ATF7IP2: variants seen among roughly 807,000 people sequenced by gnomAD.
The protein encoded by ATF7IP2 is activating transcription factor 7 interacting protein 2.
A neutral mutation model predicts 64.2 loss-of-function variants in ATF7IP2; 42 were observed. That is an observed-to-expected ratio of 0.65 (90% CI 0.51 to 0.85). The LOEUF (loss-of-function observed/expected upper bound fraction) is 0.85. Among genes scored for constraint, ATF7IP2 ranks in the 40% least tolerant of loss-of-function variants. ATF7IP2 has a pLI of 0.00. For synonymous variants in ATF7IP2, 308 were observed against 272.8 expected (o/e 1.13, Z -1.27); for missense variants, 933 against 784.2 (o/e 1.19, Z -2.27).
chr16:10,407,750 A>C (rs1241805063), intron 1 of ATF7IP2, among the ~76,000 whole-genome samples: 1 of 152,076 alleles, frequency 6.6e-6, no homozygotes. Context: ...CCCGAGCACT[A>C]TACACTGAAC....
chr16:10,410,249 C>T (rs756548620), intron 1 of ATF7IP2, among the ~76,000 whole-genome samples: 8 of 152,154 alleles, frequency 5.3e-5, no homozygotes, highest in Non-Finnish European at 1.0e-4. Context: ...TGATTTCTAT[C>T]AGCAGTGTTT....
At chr16:10,403,841 A>G (rs1044287199) in intron 1 of ATF7IP2, among the ~76,000 whole-genome samples, 1 of 152,244 alleles carries the variant, frequency 6.6e-6, no homozygotes, top group African/African-American at 2.4e-5. Context: ...AGCCTCAAGT[A>G]TAGATCAGCC....
chr16:10,483,634 C>G lies in ATF7IP2; in HGVS notation c.*1385C>G, dbSNP rs1382545705. 1 of 152,150 alleles carries G rather than the reference C, an allele frequency of 6.6e-6. No homozygotes were observed. Among genetic ancestry groups the G allele is most frequent in the Admixed American group, 6.5e-5 (1 of 15,276 alleles). 9.4% of individuals were successfully genotyped at this position (152,150 alleles called of 1,614,324 possible). A position where few individuals can be genotyped will look rare whatever the true frequency, so the allele number is the denominator to read the frequency against. On this transcript the variant is annotated 3_prime_UTR_variant, in exon 14 of 14. Transcript: ENST00000562102. ...TCTGTAGCAATAAAGCTGTTATTTT[C>G]TGCAGTGTTCTATGTCTTTATTTTT...
intron 1 of ATF7IP2, among the ~76,000 whole-genome samples, chr16:10,398,768 G>C (rs1165627821): frequency 1.3e-5 from 2 of 152,028 alleles, no homozygotes; most frequent in African/African-American, 4.8e-5. Context: ...CTGGGGGGTG[G>C]GGTTGAATAG....
intron 3 of ATF7IP2, among the ~76,000 whole-genome samples, chr16:10,422,872 C>T (rs1283244738): frequency 2.0e-5 from 3 of 152,310 alleles, no homozygotes; most frequent in East Asian, 3.9e-4. Context: ...TTCCAGGGAA[C>T]AGAAGTAGAT....
chr16:10,390,029 ATTAG>A (rs2047290902), intron 1 of ATF7IP2, among the ~76,000 whole-genome samples: 1 of 152,362 alleles, frequency 6.6e-6, no homozygotes, highest in Admixed American at 6.5e-5. Flanking sequence ...TTTGAACAAG[ATTAG>A]TTAAATGGGT....
intron 1 of ATF7IP2, among the ~76,000 whole-genome samples, chr16:10,394,081 C>T (rs1344163390): frequency 6.6e-6 from 1 of 152,062 alleles, no homozygotes; most frequent in Non-Finnish European, 1.5e-5. Flanking sequence ...TTAAACAATC[C>T]CATGAAATGG....
intron 9 of ATF7IP2, among the ~76,000 whole-genome samples, chr16:10,470,026 TGGA>T (rs978022835): frequency 1.3e-5 from 2 of 152,108 alleles, no homozygotes; most frequent in Admixed American, 1.3e-4. Flanking sequence ...CAAGAAATTT[TGGA>T]GGAGATTTTT....
Position 10,427,265 on chromosome 16 carries a change from C to G in ATF7IP2, c.-159-1603C>G, listed in dbSNP as rs151213325. 3.3e-5 allele frequency among the ~76,000 whole-genome samples: 5 copies of G among 152,216 alleles called. No individual in the cohort carries two copies. The East Asian group carries it at 7.7e-4, about 24-fold the overall frequency. ...AATTTTTACAGACAAGTAAACATAGCTAATAAACATAGGAAAAGATGATAG... is the reference window on the plus strand; with the variant it reads ...AATTTTTACAGACAAGTAAACATAGGTAATAAACATAGGAAAAGATGATAG... On this transcript the variant is annotated intron_variant, in intron 3 of 13. Coordinates refer to ENST00000562102, the MANE Select transcript of ATF7IP2 (RefSeq NM_001393719.1).
At chr16:10,465,433 C>T (rs918529083) in intron 9 of ATF7IP2, among the ~76,000 whole-genome samples, 3 of 151,702 alleles carry the variant, frequency 2.0e-5, no homozygotes, top group Non-Finnish European at 2.9e-5. Context: ...CCTCAGTTTC[C>T]CTCCCAGATG....
intron 1 of ATF7IP2, chr16:10,386,414 C>G (rs972712939): frequency 4.6e-5 from 7 of 152,438 alleles, no homozygotes; most frequent in African/African-American, 1.7e-4. Flanking sequence ...GGGTTAGGGA[C>G]TGCGGAGGGA....
chr16:10,406,175 G>A (rs552193837), intron 1 of ATF7IP2, among the ~76,000 whole-genome samples: 5 of 151,842 alleles, frequency 3.3e-5, no homozygotes, highest in East Asian at 1.9e-4. Context: ...GTGCAATCAC[G>A]GCTCACCACA....
At chr16:10,407,849 C>T (rs1192733369) in intron 1 of ATF7IP2, among the ~76,000 whole-genome samples, 1 of 151,920 alleles carries the variant, frequency 6.6e-6, no homozygotes, top group African/African-American at 2.4e-5. Context: ...ATTCTCATAG[C>T]TTAGCTCCTA....
intron 1 of ATF7IP2, among the ~76,000 whole-genome samples, chr16:10,388,559 C>G (rs1029167503): frequency 1.1e-4 from 17 of 152,154 alleles, no homozygotes; most frequent in African/African-American, 3.6e-4. Context: ...CTTTTTAGTA[C>G]TCTTTACTAA....
intron 8 of ATF7IP2, chr16:10,446,760 C>A (rs947610574): frequency 1.3e-5 from 2 of 152,166 alleles, no homozygotes; most frequent in African/African-American, 4.8e-5. Context: ...CTAGTGTTAT[C>A]CTTTTTATGC....
chr16:10,472,318 A>G (rs1171794519), intron 10 of ATF7IP2, 135 bp downstream of exon 10: 1 of 462,910 alleles, frequency 2.2e-6, no homozygotes, highest in Non-Finnish European at 3.8e-6. Context: ...GTTCTAATTT[A>G]TATCATGGTT....
rs779451060 is a variant in ATF7IP2, at chr16:10,457,396, T to G, written c.1219T>G (p.Leu407Val). 6.2e-7 allele frequency: 1 copy of G among 1,607,730 alleles called. No individual in the cohort carries two copies. Among genetic ancestry groups the G allele is most frequent in the Non-Finnish European group, 8.5e-7 (1 of 1,178,150 alleles). The stretch of plus-strand genomic sequence containing the variant: ...GGTTGCAAATTCAGAGGCTATGATT[T>G]TGGATAAGAATCTTGAGTCAGTTAA... ...SKVANSEAMILDKNLESVNSP... is the reference protein window; with the variant it reads ...SKVANSEAMIVDKNLESVNSP... Residue 407 changes from leucine (L) to valine (V), a missense_variant, in exon 9 of 14, where the codon TTG becomes GTG. Transcript: ENST00000562102.
intron 1 of ATF7IP2, among the ~76,000 whole-genome samples, chr16:10,392,027 G>A (rs1316655598): frequency 2.0e-5 from 3 of 149,254 alleles, no homozygotes; most frequent in Non-Finnish European, 4.5e-5. Flanking sequence ...GACACCAAAA[G>A]ATATAAAAAG....
At position 10,457,367 on chromosome 16, in the gene ATF7IP2, A is replaced by G; in HGVS notation, c.1195-5A>G. On this transcript the variant is annotated splice_polypyrimidine_tract_variant and splice_region_variant and intron_variant, in intron 8 of 13. Coordinates refer to ENST00000562102, the MANE Select transcript of ATF7IP2 (RefSeq NM_001393719.1). The stretch of plus-strand genomic sequence containing the variant: ...TCAACTGCTTTTTTCTCACCTATTT[A>G]ATAGGTTGCAAATTCAGAGGCTATG... The G allele has an allele frequency of 6.3e-7, 1 of 1,598,458 alleles. No homozygotes were observed. The highest frequency in any genetic ancestry group is 8.5e-7 in the Non-Finnish European group (1 of 1,175,594).
Sources: allele counts gnomAD v4.1 joint callset (sites outside exome capture counted in the v4.1 genomes callset), GRCh38; gene constraint gnomAD v4.1.1; transcripts MANE v1.5; gene names NCBI Gene and HGNC (gene_info 2026-07-23, HGNC 2026-07-21).